BABAM2: variants seen among roughly 807,000 people sequenced by gnomAD.
The protein encoded by BABAM2 is BRISC and BRCA1-A complex member 2.
A neutral mutation model predicts 54.7 loss-of-function variants in BABAM2; 31 were observed. That is an observed-to-expected ratio of 0.57 (90% CI 0.43 to 0.77). BABAM2 has a LOEUF of 0.77. Ranked by LOEUF, BABAM2 falls within the 30% of genes least tolerant of loss-of-function variation. The pLI, the probability that BABAM2 is intolerant of heterozygous loss-of-function variation, is 0.00. For missense variants in BABAM2, 364 were observed against 455.8 expected (o/e 0.80, Z 1.83); for synonymous variants, 167 against 162.9 (o/e 1.03, Z -0.19).
intron 2 of BABAM2, among the ~76,000 whole-genome samples, chr2:27,902,924 TGAGAGAGAGAGA>T (rs1167717410): frequency 6.7e-6 from 1 of 150,002 alleles, no homozygotes; most frequent in Non-Finnish European, 1.5e-5. Flanking sequence ...TGTGTGTGTG[TGAGAGAGAGAGA>T]GAGAGAGAGA....
At chr2:28,088,539 CT>C (rs1665882199) in intron 6 of BABAM2, among the ~76,000 whole-genome samples, 1 of 152,132 alleles carries the variant, frequency 6.6e-6, no homozygotes. Flanking sequence ...GGTGAGGAGA[CT>C]TTTGTAGGAC....
At chr2:28,151,737 T>A (rs1343999721) in intron 7 of BABAM2, among the ~76,000 whole-genome samples, 1 of 152,208 alleles carries the variant, frequency 6.6e-6, no homozygotes, top group Non-Finnish European at 1.5e-5. Context: ...TTGATAACAT[T>A]TGGTCCCTTT....
chr2:28,306,690 A>T (rs1344882804), intron 11 of BABAM2, among the ~76,000 whole-genome samples: 1 of 150,126 alleles, frequency 6.7e-6, no homozygotes, highest in Non-Finnish European at 1.5e-5. Flanking sequence ...TTTCTTTTTT[A>T]TTTTTTTATT....
chr2:28,119,952 C>T (rs993463135), intron 6 of BABAM2, among the ~76,000 whole-genome samples: 1 of 152,100 alleles, frequency 6.6e-6, no homozygotes, highest in Non-Finnish European at 1.5e-5. Flanking sequence ...TAGAATGGCC[C>T]TAACTGTACA....
chr2:27,993,138 C>A (rs2148495962), intron 4 of BABAM2, among the ~76,000 whole-genome samples: 1 of 152,208 alleles, frequency 6.6e-6, no homozygotes, highest in South Asian at 2.1e-4. Context: ...TTCTGGGATG[C>A]AGGACATTCA....
chr2:28,169,368 T>C lies in BABAM2; in HGVS notation c.680+39988T>C, dbSNP rs573605817. 2.0e-5 allele frequency among the ~76,000 whole-genome samples: 3 copies of C among 152,358 alleles called. No individual in the cohort carries two copies. In the East Asian group the frequency reaches 5.8e-4, roughly 29 times the overall value. ...TAAAAACCTTTAATACTTTCATACC[T>C]GTTGCTCTAGGATTTCAGTATATTA... On this transcript the variant is annotated intron_variant, in intron 7 of 11. Transcript: ENST00000379624.
chr2:28,066,869 A>G (rs1663634334), intron 6 of BABAM2, among the ~76,000 whole-genome samples: 1 of 152,256 alleles, frequency 6.6e-6, no homozygotes, highest in South Asian at 2.1e-4. Context: ...CCCATACTTA[A>G]GATAAAGGGA....
chr2:28,043,252 G>T (rs1347743266), intron 5 of BABAM2, among the ~76,000 whole-genome samples: 1 of 150,794 alleles, frequency 6.6e-6, no homozygotes, highest in East Asian at 2.0e-4. Flanking sequence ...TGCCTCAGCC[G>T]CCCCAGTAGC....
chr2:28,255,042 A>G (rs1683849863), intron 10 of BABAM2, among the ~76,000 whole-genome samples: 2 of 151,656 alleles, frequency 1.3e-5, no homozygotes, highest in African/African-American at 2.4e-5. Flanking sequence ...CAGCCCAGAT[A>G]AGGATTTTTT....
At chr2:27,951,899 A>G (rs1031007769) in intron 3 of BABAM2, among the ~76,000 whole-genome samples, 6 of 152,146 alleles carry the variant, frequency 3.9e-5, no homozygotes, top group Admixed American at 1.3e-4. Context: ...GACTATAATT[A>G]TGGGTTTATG....
At chr2:28,071,099 A>T (rs1664095747) in intron 6 of BABAM2, among the ~76,000 whole-genome samples, 1 of 151,944 alleles carries the variant, frequency 6.6e-6, no homozygotes, top group South Asian at 2.1e-4. Context: ...GCCCCATCCC[A>T]ATCACAACTT....
intron 6 of BABAM2, among the ~76,000 whole-genome samples, chr2:28,095,517 T>C (rs1217639501): frequency 1.3e-5 from 2 of 152,158 alleles, no homozygotes; most frequent in South Asian, 2.1e-4. Flanking sequence ...AAGCCTTCTA[T>C]TCATAGTCCA....
intron 3 of BABAM2, among the ~76,000 whole-genome samples, chr2:27,941,623 T>G (rs1200331654): frequency 6.6e-6 from 1 of 152,116 alleles, no homozygotes; most frequent in Non-Finnish European, 1.5e-5. Context: ...CAAAGCTGTT[T>G]GTGACAGAGT....
At chr2:28,196,314 A>G (rs113024146) in intron 7 of BABAM2, among the ~76,000 whole-genome samples, 17,954 of 128,310 alleles carry the variant, frequency 0.14, 2,201 homozygotes, top group Non-Finnish European at 0.22. Flanking sequence ...GCAACAGAGC[A>G]AGACTCCATA....
intron 4 of BABAM2, among the ~76,000 whole-genome samples, chr2:27,999,773 A>G (rs1329696494): frequency 6.6e-6 from 1 of 152,226 alleles, no homozygotes; most frequent in Non-Finnish European, 1.5e-5. Flanking sequence ...ATGTGTATAC[A>G]TTAGTTTTTC....
At chr2:28,169,510 C>T (rs1433845061) in intron 7 of BABAM2, among the ~76,000 whole-genome samples, 2 of 152,098 alleles carry the variant, frequency 1.3e-5, no homozygotes, top group Non-Finnish European at 1.5e-5. Context: ...GGTGGGGTGG[C>T]TTACACCTGT....
At chr2:28,287,396 T>C (rs1286829773) in intron 10 of BABAM2, among the ~76,000 whole-genome samples, 2 of 152,248 alleles carry the variant, frequency 1.3e-5, no homozygotes, top group Non-Finnish European at 2.9e-5. Context: ...TGTTCTCTCT[T>C]GCTCAATTTC....
At chr2:28,284,915 A>G (rs1197445310) in intron 10 of BABAM2, among the ~76,000 whole-genome samples, 1 of 152,186 alleles carries the variant, frequency 6.6e-6, no homozygotes, top group Non-Finnish European at 1.5e-5. Flanking sequence ...TTCTGCACAT[A>G]TATTCATTAT....
At chr2:28,211,386 C>CTTTTTTT (rs770284745) in intron 7 of BABAM2, among the ~76,000 whole-genome samples, 37,636 of 96,482 alleles carry the variant, frequency 0.39, 9,530 homozygotes, top group East Asian at 0.9. Flanking sequence ...TCCTTATTAT[C>CTTTTTTT]TTTTTTTTTT....
Sources: allele counts gnomAD v4.1 joint callset (sites outside exome capture counted in the v4.1 genomes callset), GRCh38; gene constraint gnomAD v4.1.1; transcripts MANE v1.5; gene names NCBI Gene and HGNC (gene_info 2026-07-23, HGNC 2026-07-21).